The following HSPA12A variants were observed in gnomAD, a reference collection of about 807,000 sequenced individuals.
The protein encoded by HSPA12A is heat shock protein family A (Hsp70) member 12A.
A neutral mutation model predicts 69.2 loss-of-function variants in HSPA12A; 28 were observed. The ratio of observed to expected loss-of-function variants is 0.40; its 90% CI spans 0.30 to 0.55. The LOEUF (loss-of-function observed/expected upper bound fraction) is 0.55, where lower values mean the gene tolerates loss of function less well. HSPA12A is among the 20% of genes least tolerant of loss of function. HSPA12A has a pLI of 0.38. For synonymous variants in HSPA12A, 345 were observed against 370.5 expected (o/e 0.93, Z 0.79); for missense variants, 686 against 900.7 (o/e 0.76, Z 3.05).
chr10:116,778,347 C>T (rs1397475387), intron 2 of HSPA12A, among the ~76,000 whole-genome samples: 1 of 152,218 alleles, frequency 6.6e-6, no homozygotes, highest in Admixed American at 6.5e-5. Context: ...CCAAAACCTC[C>T]AGCTGGTGCT....
chr10:116,785,274 C>T (rs1367070597), intron 2 of HSPA12A, among the ~76,000 whole-genome samples: 1 of 152,040 alleles, frequency 6.6e-6, no homozygotes, highest in Non-Finnish European at 1.5e-5. Flanking sequence ...TTCTGGAACA[C>T]AGGCAAGGAC....
chr10:116,767,707 A>G (rs1844111540), intron 2 of HSPA12A, among the ~76,000 whole-genome samples: 1 of 152,318 alleles, frequency 6.6e-6, no homozygotes, highest in South Asian at 2.1e-4. Context: ...TCCAGGCCAC[A>G]AGGGGGCTTT....
At chr10:116,727,969 C>A (rs1048122910) in intron 1 of HSPA12A, among the ~76,000 whole-genome samples, 1 of 151,884 alleles carries the variant, frequency 6.6e-6, no homozygotes, top group Non-Finnish European at 1.5e-5. Flanking sequence ...GCCACTGCAC[C>A]CAGCTAATTT....
intron 7 of HSPA12A, among the ~76,000 whole-genome samples, chr10:116,682,906 G>A (rs1453004141): frequency 1.4e-5 from 2 of 144,352 alleles, no homozygotes; most frequent in East Asian, 2.0e-4. Context: ...TAGTAGAGAC[G>A]GGGTTTCACC....
chr10:116,764,810 G>T (rs1252836320), intron 2 of HSPA12A, among the ~76,000 whole-genome samples: 1 of 152,168 alleles, frequency 6.6e-6, no homozygotes, highest in South Asian at 2.1e-4. Context: ...GAGTAGTAGA[G>T]ATACAATATA....
At chr10:116,711,641 G>T (rs1423167019) in intron 1 of HSPA12A, among the ~76,000 whole-genome samples, 2 of 150,096 alleles carry the variant, frequency 1.3e-5, no homozygotes, top group Non-Finnish European at 3.0e-5. Flanking sequence ...AGGAATCAGA[G>T]AAACACTGAC....
chr10:116,754,212 C>T (rs1554888581), intron 2 of HSPA12A, among the ~76,000 whole-genome samples: 2 of 152,182 alleles, frequency 1.3e-5, no homozygotes, highest in East Asian at 3.9e-4. Flanking sequence ...CCAGCCTGTA[C>T]CTGGACAGTC....
At chr10:116,760,429 T>C (rs1401152733) in intron 2 of HSPA12A, among the ~76,000 whole-genome samples, 2 of 152,090 alleles carry the variant, frequency 1.3e-5, no homozygotes, top group African/African-American at 4.8e-5. Context: ...ACTGGATTCA[T>C]AGCAATCCTC....
Position 116,675,057 on chromosome 10 carries a change from G to C in HSPA12A, c.1752C>G (p.Val584=). ...ADQSVALGEL[V]KRSYTPAKPS... is the part of the protein sequence containing the mutation. ...GCTTGGCCGGGGTGTAGCTACGCTT[G>C]ACCAGCTCACCCAGAGCCACAGACT... Residue 584 remains valine, a synonymous_variant, in exon 12 of 12, where the codon GTC becomes GTG. Transcript: ENST00000369209. The surrounding 1 kb of genome is among the most constrained non-coding windows in gnomAD (Gnocchi z 5.2). 2 of 1,614,038 alleles carry C rather than the reference G, an allele frequency of 1.2e-6. No homozygotes were observed. Among genetic ancestry groups the C allele is most frequent in the Non-Finnish European group, 1.7e-6 (2 of 1,180,010 alleles).
chr10:116,770,646 G>T (rs1844183189), intron 2 of HSPA12A, among the ~76,000 whole-genome samples: 1 of 152,130 alleles, frequency 6.6e-6, no homozygotes, highest in Non-Finnish European at 1.5e-5. Flanking sequence ...CAGCTGGAGT[G>T]CTAGAGTCTG....
intron 1 of HSPA12A, among the ~76,000 whole-genome samples, chr10:116,716,411 C>T: frequency 6.8e-6 from 1 of 146,474 alleles, no homozygotes; most frequent in Admixed American, 7.0e-5. Flanking sequence ...ACCCTTTGTA[C>T]AAGCTCTGAG....
chr10:116,750,583 A>C (rs1851754225), intron 2 of HSPA12A: 2 of 327,380 alleles, frequency 6.1e-6, no homozygotes, highest in South Asian at 6.2e-5. Flanking sequence ...AATACATAAA[A>C]AAACAGCATA....
At chr10:116,728,986 G>C (rs183883858) in intron 1 of HSPA12A, among the ~76,000 whole-genome samples, 4 of 152,282 alleles carry the variant, frequency 2.6e-5, no homozygotes, top group African/African-American at 9.6e-5. Context: ...ACACATCCCT[G>C]CAGGCGGCCT....
rs149413853 is a variant in HSPA12A, at chr10:116,703,893, C to T, written c.254+1258G>A. ...CTTGGCTGAGATTCCCCTCATGCTG[C>T]CTTCTCTCTGGCAGGTGCTTTTTGC... is the stretch of plus-strand genomic sequence containing the variant. On this transcript the variant is annotated intron_variant, in intron 3 of 11. Transcript: ENST00000369209. Among the ~76,000 whole-genome samples the T allele has an allele frequency of 5.3e-4, 80 of 152,356 alleles. No individual in the cohort carries two copies. In the East Asian group the frequency reaches 0.015, roughly 28 times the overall value.
chr10:116,705,333 G>A, intron 2 of HSPA12A, 55 bp from the exon 3 acceptor site: 1 of 1,604,884 alleles, frequency 6.2e-7, no homozygotes, highest in African/African-American at 1.3e-5. Context: ...TGGCTTTCAG[G>A]AAGACACCCC....
At chr10:116,841,038 ACAC>A (rs968152779) in intron 1 of HSPA12A, among the ~76,000 whole-genome samples, 1 of 152,196 alleles carries the variant, frequency 6.6e-6, no homozygotes, top group African/African-American at 2.4e-5. Context: ...GCACACACAC[ACAC>A]AAATGGTGAT....
intron 1 of HSPA12A, among the ~76,000 whole-genome samples, chr10:116,721,953 G>A (rs1414439625): frequency 5.3e-5 from 8 of 152,306 alleles, no homozygotes; most frequent in African/African-American, 1.4e-4. Flanking sequence ...TGCAGTCCTT[G>A]GGTCTGGGGA....
intron 4 of HSPA12A, among the ~76,000 whole-genome samples, chr10:116,699,054 A>T (rs982634001): frequency 6.6e-6 from 1 of 152,210 alleles, no homozygotes; most frequent in South Asian, 2.1e-4. Context: ...AAGAGAGAAT[A>T]GGCAGCAGGT....
In HSPA12A at chr10:116,674,679, TG is replaced by T; in HGVS notation, c.*101del. 8.5e-7 allele frequency: 1 copy of T among 1,178,542 alleles called. No individual in the cohort carries two copies. The highest frequency in any genetic ancestry group is 1.2e-6 in the Non-Finnish European group (1 of 836,486). The allele number at this position is 1,178,542 out of a possible 1,614,324, so 73.0% of individuals were successfully genotyped here. ...CTCATCTTCCCTGCTGAAATTCACA[TG>T]GGCAATGGTGAGGGTCAAGGTTAGG... On this transcript the variant is annotated 3_prime_UTR_variant, in exon 12 of 12. Coordinates refer to ENST00000369209, the MANE Select transcript of HSPA12A (RefSeq NM_025015.3).
Sources: allele counts gnomAD v4.1 joint callset (sites outside exome capture counted in the v4.1 genomes callset), GRCh38; gene constraint gnomAD v4.1.1; non-coding constraint Gnocchi (gnomAD v3.1); transcripts MANE v1.5; gene names NCBI Gene and HGNC (gene_info 2026-07-23, HGNC 2026-07-21).